The following ADK variants were observed in gnomAD, a reference collection of about 807,000 sequenced individuals.
The protein encoded by ADK is N6,N6-dimethyladenosine kinase.
ADK carries 24 observed loss-of-function variants against 44.7 expected under a neutral mutation model. The observed-to-expected ratio is 0.54, with a 90% CI of 0.39 to 0.76. The LOEUF (loss-of-function observed/expected upper bound fraction) is 0.76. Among genes scored for constraint, ADK ranks in the 30% least tolerant of loss-of-function variants. The pLI is 0.00. For missense variants in ADK, 321 were observed against 425.1 expected (o/e 0.76, Z 2.15); for synonymous variants, 128 against 142.6 (o/e 0.90, Z 0.73).
At chr10:74,321,565 C>A (rs1488892166) in intron 4 of ADK, among the ~76,000 whole-genome samples, 1 of 152,114 alleles carries the variant, frequency 6.6e-6, no homozygotes, top group Non-Finnish European at 1.5e-5. Context: ...ATTAGCAGAT[C>A]CTTATTTCTG....
At chr10:74,242,255 TA>T (rs1845239092) in intron 3 of ADK, among the ~76,000 whole-genome samples, 1 of 152,226 alleles carries the variant, frequency 6.6e-6, no homozygotes, top group Non-Finnish European at 1.5e-5. Flanking sequence ...AAAAGCATCA[TA>T]ATTAGAAGGG....
At chr10:74,326,113 G>A (rs1395980465) in intron 4 of ADK, among the ~76,000 whole-genome samples, 2 of 152,056 alleles carry the variant, frequency 1.3e-5, no homozygotes, top group Non-Finnish European at 1.5e-5. Context: ...TATTGAATTT[G>A]GTTTGCTGGT....
chr10:74,642,415 G>A (rs1853893570), intron 9 of ADK, among the ~76,000 whole-genome samples: 1 of 148,224 alleles, frequency 6.7e-6, no homozygotes, highest in Admixed American at 6.8e-5. Flanking sequence ...ATGTTGCCCA[G>A]GCTGGTTTCA....
At chr10:74,168,342 A>G (rs896386108) in intron 1 of ADK, among the ~76,000 whole-genome samples, 1 of 152,034 alleles carries the variant, frequency 6.6e-6, no homozygotes, top group Non-Finnish European at 1.5e-5. Flanking sequence ...GATCGAGACC[A>G]TCCTGTCTAA....
In ADK at chr10:74,523,511, T is replaced by G. The variant is rs145329745; in HGVS notation, c.556-1745T>G. On this transcript the variant is annotated intron_variant, in intron 6 of 10. Coordinates refer to ENST00000539909, the MANE Select transcript of ADK (RefSeq NM_006721.4). ...TTTTTATTTCCTCTAATTTTTGTTC[T>G]CCATTTTTTCCTTCGTCGTCTTTTG... 4.3e-3 allele frequency among the ~76,000 whole-genome samples: 650 copies of G among 152,300 alleles called. 2 individuals are homozygous for G. The highest frequency in any genetic ancestry group is 0.014 in the African/African-American group (581 of 41,568).
chr10:74,447,754 A>G (rs1172494355), intron 6 of ADK, among the ~76,000 whole-genome samples: 1 of 152,228 alleles, frequency 6.6e-6, no homozygotes, highest in Non-Finnish European at 1.5e-5. Flanking sequence ...GTCAATTAAA[A>G]AAGCACCAAA....
intron 3 of ADK, among the ~76,000 whole-genome samples, chr10:74,278,937 A>G (rs1035445521): frequency 6.6e-6 from 1 of 152,200 alleles, no homozygotes; most frequent in Non-Finnish European, 1.5e-5. Flanking sequence ...ATTTTTTAAC[A>G]TAATGATTTT....
intron 3 of ADK, among the ~76,000 whole-genome samples, chr10:74,300,302 CCTTCCTT>C (rs1839975668): frequency 1.2e-5 from 1 of 85,716 alleles, no homozygotes; most frequent in Non-Finnish European, 2.3e-5. Context: ...TTCCTTCCTT[CCTTCCTT>C]CTTTCCTTCC....
chr10:74,545,167 T>C (rs371625643), intron 7 of ADK, among the ~76,000 whole-genome samples: 1 of 152,348 alleles, frequency 6.6e-6, no homozygotes, highest in East Asian at 1.9e-4. Flanking sequence ...CACAATTTAT[T>C]GAGAGCATAT....
intron 6 of ADK, among the ~76,000 whole-genome samples, chr10:74,415,649 G>T (rs1193190336): frequency 1.3e-5 from 2 of 152,196 alleles, no homozygotes; most frequent in Admixed American, 1.3e-4. Context: ...ATATCATTCA[G>T]TGGCTGTTAG....
intron 1 of ADK, among the ~76,000 whole-genome samples, chr10:74,170,395 G>C (rs970555112): frequency 2.6e-5 from 4 of 152,054 alleles, no homozygotes; most frequent in Non-Finnish European, 5.9e-5. Context: ...GGGTAGTTTT[G>C]ACGGTTGTGA....
At chr10:74,677,768 T>C (rs1400176253) in intron 10 of ADK, among the ~76,000 whole-genome samples, 2 of 152,042 alleles carry the variant, frequency 1.3e-5, no homozygotes, top group Non-Finnish European at 2.9e-5. Flanking sequence ...CTTCTCTGTT[T>C]TATTTCTTGA....
At chr10:74,414,219 A>T (rs946859800) in intron 6 of ADK, among the ~76,000 whole-genome samples, 2 of 152,236 alleles carry the variant, frequency 1.3e-5, no homozygotes, top group Non-Finnish European at 2.9e-5. Context: ...GTAAAAAAAA[A>T]TAATAAAAAG....
intron 1 of ADK, among the ~76,000 whole-genome samples, chr10:74,171,492 G>A (rs1224937162): frequency 6.6e-6 from 1 of 152,158 alleles, no homozygotes; most frequent in African/African-American, 2.4e-5. Context: ...GAGGCACTTA[G>A]CTATTTTGGG....
At chr10:74,507,470 A>G (rs2133489557) in intron 6 of ADK, among the ~76,000 whole-genome samples, 3 of 151,832 alleles carry the variant, frequency 2.0e-5, no homozygotes, top group Admixed American at 2.0e-4. Context: ...AAAATTAACC[A>G]GGTGTGGTGG....
intron 7 of ADK, among the ~76,000 whole-genome samples, chr10:74,529,880 A>G (rs1055963844): frequency 6.6e-6 from 1 of 152,204 alleles, no homozygotes; most frequent in Admixed American, 6.5e-5. Flanking sequence ...ATTTTATTGA[A>G]GCAGTCTCAA....
intron 3 of ADK, among the ~76,000 whole-genome samples, chr10:74,230,497 G>C (rs1358358293): frequency 6.6e-6 from 1 of 150,770 alleles, no homozygotes; most frequent in Non-Finnish European, 1.5e-5. Flanking sequence ...TTTGAAACAG[G>C]GTCTCGCTTT....
At chr10:74,180,547 C>T (rs1391477763) in intron 1 of ADK, among the ~76,000 whole-genome samples, 1 of 151,460 alleles carries the variant, frequency 6.6e-6, no homozygotes, top group African/African-American at 2.4e-5. Context: ...GAAGCTCCGC[C>T]TCCTGGGTTC....
chr10:74,527,371 AC>A (rs1277781723), intron 7 of ADK, among the ~76,000 whole-genome samples: 249 of 99,438 alleles, frequency 2.5e-3, no homozygotes, highest in South Asian at 3.6e-3. Flanking sequence ...AAACAAACAA[AC>A]AAAAAAAAAA....
Sources: allele counts gnomAD v4.1 joint callset (sites outside exome capture counted in the v4.1 genomes callset), GRCh38; gene constraint gnomAD v4.1.1; transcripts MANE v1.5; gene names NCBI Gene and HGNC (gene_info 2026-07-23, HGNC 2026-07-21).